The following PDE4D variants were observed in gnomAD, a reference collection of about 807,000 sequenced individuals.
PDE4D encodes the protein phosphodiesterase 4D.
PDE4D carries 24 observed loss-of-function variants against 87.4 expected under a neutral mutation model. The observed-to-expected ratio is 0.27, with a 90% CI of 0.20 to 0.39. The LOEUF is 0.39. PDE4D is among the 10% of genes least tolerant of loss of function. The pLI is 1.00. For synonymous variants in PDE4D, 384 were observed against 383.2 expected (o/e 1.00, Z -0.02); for missense variants, 714 against 1,041.0 (o/e 0.69, Z 4.32).
chr5:59,933,771 G>GATAT (rs11442370), intron 3 of PDE4D, among the ~76,000 whole-genome samples: 4 of 25,994 alleles, frequency 1.5e-4, no homozygotes, highest in Admixed American at 1.2e-3. Flanking sequence ...TGTAAAAGGA[G>GATAT]ATATATATAT....
intron 1 of PDE4D, among the ~76,000 whole-genome samples, chr5:59,695,083 T>C (rs1017501331): frequency 6.6e-6 from 1 of 152,156 alleles, no homozygotes; most frequent in African/African-American, 2.4e-5. Context: ...GAAATCTCCA[T>C]GGTCTCTAAC....
chr5:59,001,638 G>A (rs1750559180), intron 6 of PDE4D, among the ~76,000 whole-genome samples: 1 of 152,032 alleles, frequency 6.6e-6, no homozygotes, highest in South Asian at 2.1e-4. Flanking sequence ...CAACTCCCAG[G>A]ATCCTGAACT....
At chr5:59,357,458 C>T (rs1222766129) in intron 1 of PDE4D, among the ~76,000 whole-genome samples, 1 of 152,102 alleles carries the variant, frequency 6.6e-6, no homozygotes, top group Non-Finnish European at 1.5e-5. Flanking sequence ...ATTTACTCGT[C>T]TTGAAAATAC....
intron 2 of PDE4D, among the ~76,000 whole-genome samples, chr5:60,117,825 T>C (rs893640483): frequency 2.0e-4 from 29 of 148,138 alleles, no homozygotes; most frequent in African/African-American, 7.0e-4. Context: ...CACACACACA[T>C]ACACACACAC....
At chr5:59,383,940 A>G (rs1437660408) in intron 1 of PDE4D, among the ~76,000 whole-genome samples, 2 of 152,168 alleles carry the variant, frequency 1.3e-5, no homozygotes, top group Non-Finnish European at 2.9e-5. Context: ...CAAACTGAAG[A>G]GCGAGTGGTG....
In PDE4D at chr5:59,395,952, T is replaced by C. The variant is rs201654521; in HGVS notation, c.456-179984A>G. On this transcript the variant is annotated intron_variant, in intron 1 of 14. Coordinates refer to ENST00000340635, the MANE Select transcript of PDE4D (RefSeq NM_001104631.2). ...TGAAGAATGCAGAAGCCTCAGGAGC[T>C]GATGCGATCAACTGGAAGAAAGGGT... 1.8e-3 allele frequency among the ~76,000 whole-genome samples: 193 copies of C among 105,602 alleles called. 11 individuals are homozygous for C. The highest frequency in any genetic ancestry group is 3.1e-3 in the African/African-American group (83 of 26,414). The allele number at this position is 105,602 out of a possible 152,430, so 69.3% of individuals were successfully genotyped here. A position where few individuals can be genotyped will look rare whatever the true frequency, so the allele number is the denominator to read the frequency against.
chr5:60,037,561 T>C (rs949195900), intron 2 of PDE4D, among the ~76,000 whole-genome samples: 2 of 152,220 alleles, frequency 1.3e-5, no homozygotes, highest in African/African-American at 4.8e-5. Flanking sequence ...ATCACTGTGC[T>C]AAGTCATAAA....
At chr5:59,454,203 C>T (rs1799573108) in intron 1 of PDE4D, among the ~76,000 whole-genome samples, 1 of 152,166 alleles carries the variant, frequency 6.6e-6, no homozygotes, top group Non-Finnish European at 1.5e-5. Context: ...GACAGTGCAC[C>T]TGGTCATCCA....
chr5:59,784,664 C>A (rs1304638716), intron 1 of PDE4D, among the ~76,000 whole-genome samples: 1 of 152,128 alleles, frequency 6.6e-6, no homozygotes, highest in African/African-American at 2.4e-5. Context: ...AAAGAAAATA[C>A]AAATTATAGT....
At chr5:59,821,375 C>T (rs558420861) in intron 1 of PDE4D, among the ~76,000 whole-genome samples, 1 of 152,120 alleles carries the variant, frequency 6.6e-6, no homozygotes, top group African/African-American at 2.4e-5. Context: ...AAAGGTAACT[C>T]CATTTTGAAT....
At chr5:60,376,348 C>A (rs1402749703) in intron 1 of PDE4D, among the ~76,000 whole-genome samples, 1 of 152,118 alleles carries the variant, frequency 6.6e-6, no homozygotes, top group Non-Finnish European at 1.5e-5. Context: ...TGGCTCAGAG[C>A]TTCCCAGCTA....
intron 5 of PDE4D, among the ~76,000 whole-genome samples, chr5:59,117,792 A>G (rs1421538623): frequency 7.0e-6 from 1 of 142,432 alleles, no homozygotes; most frequent in Non-Finnish European, 1.5e-5. Flanking sequence ...CAAACACTGC[A>G]GATCAGGTTT....
At chr5:60,026,236 A>T (rs1766609251) in intron 2 of PDE4D, among the ~76,000 whole-genome samples, 1 of 152,184 alleles carries the variant, frequency 6.6e-6, no homozygotes, top group East Asian at 1.9e-4. Context: ...GAATGTTTAA[A>T]ACAAAACAAC....
At chr5:60,361,492 T>C (rs1760064963) in intron 1 of PDE4D, among the ~76,000 whole-genome samples, 1 of 152,160 alleles carries the variant, frequency 6.6e-6, no homozygotes, top group Non-Finnish European at 1.5e-5. Context: ...AATAAATCAG[T>C]CTGTGCCAAA....
At chr5:59,540,790 A>T (rs967185141) in intron 1 of PDE4D, among the ~76,000 whole-genome samples, 16 of 152,346 alleles carry the variant, frequency 1.1e-4, no homozygotes, top group African/African-American at 3.6e-4. Flanking sequence ...AGAGCTGATC[A>T]TCAAATCTAA....
At chr5:60,010,186 T>C (rs921809904) in intron 2 of PDE4D, among the ~76,000 whole-genome samples, 6 of 152,142 alleles carry the variant, frequency 3.9e-5, no homozygotes, top group African/African-American at 1.4e-4. Context: ...TAATATACTG[T>C]TACGTATTTC....
intron 1 of PDE4D, among the ~76,000 whole-genome samples, chr5:60,485,260 G>C (rs572727605): frequency 5.9e-5 from 9 of 152,226 alleles, no homozygotes; most frequent in African/African-American, 1.7e-4. Context: ...GCTCAAGGTA[G>C]ACAGCAACTC....
In PDE4D at chr5:59,494,899, C is replaced by A. The variant is rs1331407168; in HGVS notation, c.456-278931G>T. 3.3e-5 allele frequency among the ~76,000 whole-genome samples: 5 copies of A among 152,142 alleles called. No individual in the cohort carries two copies. The East Asian group carries it at 9.6e-4, about 29-fold the overall frequency. On this transcript the variant is annotated intron_variant, in intron 1 of 14. Coordinates refer to ENST00000340635, the MANE Select transcript of PDE4D (RefSeq NM_001104631.2). ...TTGGAATAAATGGATGTGTTCTATA[C>A]ATTTCTAAGAAAAAAAGCAAGAAAA...
At chr5:59,648,032 T>A (rs189380834) in intron 1 of PDE4D, among the ~76,000 whole-genome samples, 2 of 152,008 alleles carry the variant, frequency 1.3e-5, no homozygotes, top group Non-Finnish European at 2.9e-5. Flanking sequence ...ATATCCAGAG[T>A]TTCCATAAGA....
Sources: gnomAD v4.1 joint callset for allele counts (sites outside exome capture counted in the v4.1 genomes callset) on GRCh38, gnomAD v4.1.1 for gene constraint, MANE v1.5 for transcripts, NCBI Gene and HGNC (gene_info 2026-07-23, HGNC 2026-07-21) for gene names.